PRKCH: variants seen among roughly 807,000 people sequenced by gnomAD.
PRKCH encodes the protein protein kinase C eta type.
In PRKCH, 28 loss-of-function variants were observed where a neutral mutation model predicts 82.5. The observed-to-expected ratio is 0.34, with a 90% CI of 0.25 to 0.47. The LOEUF (loss-of-function observed/expected upper bound fraction) is 0.47, where lower values mean the gene tolerates loss of function less well. Ranked by LOEUF, PRKCH falls within the 20% of genes least tolerant of loss-of-function variation. The pLI is 1.00. For missense variants in PRKCH, 705 were observed against 881.8 expected, an observed-to-expected ratio of 0.80 and a Z score of 2.54; for synonymous variants, 322 against 327.4, an observed-to-expected ratio of 0.98 and a Z score of 0.18.
At chr14:61,475,467 C>A (rs769242638) in intron 9 of PRKCH, among the ~76,000 whole-genome samples, 1 of 152,150 alleles carries the variant, frequency 6.6e-6, no homozygotes, top group Non-Finnish European at 1.5e-5. Context: ...AATGATTGAC[C>A]AATCAATTAA....
intron 1 of PRKCH, among the ~76,000 whole-genome samples, chr14:61,247,832 T>A (rs960580662): frequency 6.6e-6 from 1 of 151,392 alleles, no homozygotes; most frequent in Admixed American, 6.6e-5. Flanking sequence ...TAAAACACCC[T>A]GCAGTAGACG....
chr14:61,518,442 AAAAAAGAAAAAG>A (rs58836273), intron 10 of PRKCH, among the ~76,000 whole-genome samples: 1 of 151,978 alleles, frequency 6.6e-6, no homozygotes, highest in Non-Finnish European at 1.5e-5. Flanking sequence ...ATGCAAAAAA[AAAAAAGAAAAAG>A]AAAAAGAAAA....
At chr14:61,292,725 T>C (rs2140099387) in intron 1 of PRKCH, among the ~76,000 whole-genome samples, 1 of 136,726 alleles carries the variant, frequency 7.3e-6, no homozygotes, top group East Asian at 2.2e-4. Flanking sequence ...GACCCAAGAT[T>C]GAGCTGCTGC....
chr14:61,258,169 T>G (rs1018917265), intron 1 of PRKCH, among the ~76,000 whole-genome samples: 1 of 152,184 alleles, frequency 6.6e-6, no homozygotes, highest in Non-Finnish European at 1.5e-5. Flanking sequence ...AAATGTGTGA[T>G]GGAAACCATG....
Position 61,334,256 on chromosome 14 carries a change from G to C in PRKCH, c.363+11792G>C, listed in dbSNP as rs150471466. On this transcript the variant is annotated intron_variant, in intron 1 of 13. Coordinates refer to ENST00000332981, the MANE Select transcript of PRKCH (RefSeq NM_006255.5). Reference sequence around the variant, plus strand: ...AGGTGTTACAGGTAGGGCAGAGAACGCAAGACCCAGCATCTCGGCTCTCCA... The same window carrying C: ...AGGTGTTACAGGTAGGGCAGAGAACCCAAGACCCAGCATCTCGGCTCTCCA... Among the ~76,000 whole-genome samples, 127 of 152,244 alleles carry C rather than the reference G, an allele frequency of 8.3e-4. 1 individual carries two copies. The highest frequency in any genetic ancestry group is 2.8e-3 in the African/African-American group (117 of 41,538).
chr14:61,341,034 C>G (rs1408184670), intron 1 of PRKCH, among the ~76,000 whole-genome samples: 1 of 152,220 alleles, frequency 6.6e-6, no homozygotes, highest in Admixed American at 6.5e-5. Flanking sequence ...TTCCATGAAT[C>G]TAGTTGTATT....
Position 61,322,020 on chromosome 14 carries a change from C to T in PRKCH, c.-82C>T. ...GCTGCCTCGACTCCTGCACCTGTCC[C>T]GAGGGCTGGCCTGAGACGGGACTCC... On this transcript the variant is annotated 5_prime_UTR_variant, in exon 1 of 14. The change creates a premature stop within an existing upstream ORF in the 5' untranslated region. Coordinates refer to ENST00000332981, the MANE Select transcript of PRKCH (RefSeq NM_006255.5). 2.1e-6 allele frequency: 3 copies of T among 1,434,036 alleles called. No homozygotes were observed. The highest frequency in any genetic ancestry group is 2.8e-6 in the Non-Finnish European group (3 of 1,079,230). The allele number at this position is 1,434,036 out of a possible 1,614,324, so 88.8% of individuals were successfully genotyped here. A position where few individuals can be genotyped will look rare whatever the true frequency, so the allele number is the denominator to read the frequency against.
intron 1 of PRKCH, among the ~76,000 whole-genome samples, chr14:61,370,717 C>T (rs192088216): frequency 3.9e-5 from 6 of 152,102 alleles, no homozygotes; most frequent in South Asian, 2.1e-4. Context: ...TCTCTTTCTT[C>T]GCTCTCTGTA....
intron 9 of PRKCH, among the ~76,000 whole-genome samples, chr14:61,459,401 T>C (rs565817710): frequency 2.0e-5 from 3 of 152,342 alleles, no homozygotes; most frequent in Admixed American, 6.5e-5. Flanking sequence ...CAGCACACTA[T>C]GGGTCTGCTG....
At position 61,410,865 on chromosome 14, in the gene PRKCH, C is replaced by T. The variant is rs566798905; in HGVS notation, c.427+19577C>T. On this transcript the variant is annotated intron_variant, in intron 2 of 13. Transcript: ENST00000332981. The stretch of plus-strand genomic sequence containing the variant: ...TATCAACACTGACCAGTGTGCCTGG[C>T]TAATTCCAAACCGTGCGAATGGCTG... Among the ~76,000 whole-genome samples the T allele has an allele frequency of 1.5e-4, 23 of 152,318 alleles. No homozygotes were observed. In the South Asian group the frequency reaches 4.8e-3, roughly 32 times the overall value.
chr14:61,344,960 A>G (rs2045973795), intron 1 of PRKCH, among the ~76,000 whole-genome samples: 1 of 152,092 alleles, frequency 6.6e-6, no homozygotes, highest in African/African-American at 2.4e-5. Context: ...CTAGTTTTCC[A>G]GTTTCTACTT....
At chr14:61,479,364 T>C (rs1042609962) in intron 9 of PRKCH, among the ~76,000 whole-genome samples, 1 of 152,220 alleles carries the variant, frequency 6.6e-6, no homozygotes, top group Non-Finnish European at 1.5e-5. Flanking sequence ...TTGATCTAAC[T>C]GGCTGTGCAC....
chr14:61,257,748 G>A (rs577149838), intron 1 of PRKCH, among the ~76,000 whole-genome samples: 1 of 151,716 alleles, frequency 6.6e-6, no homozygotes, highest in Admixed American at 6.6e-5. Flanking sequence ...TCTTTGCCTT[G>A]ACTTAGGAAT....
At chr14:61,321,257 C>T (rs1046727846), upstream of PRKCH, among the ~76,000 whole-genome samples, 3 of 152,200 alleles carry the variant, frequency 2.0e-5, no homozygotes, top group Admixed American at 6.5e-5. This position sits in a 1 kb window ranked among gnomAD's most constrained non-coding sequence, Gnocchi z 4.1. Context: ...GCGGGCGACT[C>T]CTCGCCGCGC....
At chr14:61,313,392 G>A (rs988369496) in intron 1 of PRKCH, among the ~76,000 whole-genome samples, 2 of 152,180 alleles carry the variant, frequency 1.3e-5, no homozygotes, top group Admixed American at 6.5e-5. Context: ...ATATTCACAT[G>A]CTTCTATCAC....
chr14:61,274,124 A>C (rs1481578510), intron 1 of PRKCH, among the ~76,000 whole-genome samples: 2 of 152,264 alleles, frequency 1.3e-5, no homozygotes, highest in Admixed American at 6.5e-5. Flanking sequence ...GAGGCAAAGA[A>C]GACTTGCAAA....
At chr14:61,210,778 CTCTCTCTCTCTCTGTG>C (rs1249968722) in intron 1 of PRKCH, among the ~76,000 whole-genome samples, 186 of 118,160 alleles carry the variant, frequency 1.6e-3, no homozygotes, top group African/African-American at 3.9e-3. Flanking sequence ...CTCTCTCTCT[CTCTCTCTCTCTCTGTG>C]TGTGTGTGTG....
intron 1 of PRKCH, among the ~76,000 whole-genome samples, chr14:61,328,302 T>C: frequency 6.8e-6 from 1 of 147,284 alleles, no homozygotes; most frequent in African/African-American, 2.5e-5. Flanking sequence ...GCCTGACTGC[T>C]ATATTCTTTG....
intron 1 of PRKCH, among the ~76,000 whole-genome samples, chr14:61,358,904 G>A (rs1025996288): frequency 6.6e-6 from 1 of 152,048 alleles, no homozygotes; most frequent in Non-Finnish European, 1.5e-5. Context: ...CTCATCCTGA[G>A]GACTCAGCTC....
Sources: gnomAD v4.1 joint callset for allele counts (sites outside exome capture counted in the v4.1 genomes callset) on GRCh38, gnomAD v4.1.1 for gene constraint, Gnocchi (gnomAD v3.1) non-coding constraint, MANE v1.5 for transcripts, NCBI Gene and HGNC (gene_info 2026-07-23, HGNC 2026-07-21) for gene names.